Variants in BLM observed in about 807,000 individuals in gnomAD.
The protein encoded by BLM is recQ-like DNA helicase BLM.
BLM carries 95 observed loss-of-function variants against 135.3 expected under a neutral mutation model. The ratio of observed to expected loss-of-function variants is 0.70; its 90% CI spans 0.59 to 0.83. The LOEUF (loss-of-function observed/expected upper bound fraction) is 0.83. Among genes scored for constraint, BLM ranks in the 40% least tolerant of loss-of-function variants. BLM has a pLI of 0.00. For missense variants in BLM, 1,518 were observed against 1,663.9 expected (o/e 0.91, Z 1.53); for synonymous variants, 520 against 589.2 (o/e 0.88, Z 1.70).
In BLM at chr15:90,790,697, G is replaced by T. The variant is rs775006576; in HGVS notation, c.2872G>T (p.Val958Leu). The stretch of plus-strand genomic sequence containing the variant: ...TGGAATGGGGATTGACAAACCGGAC[G>T]TGCGATTTGTGATTCATGCATCTCT... ...AFGMGIDKPD[V>L]RFVIHASLPK... Residue 958 changes from valine to leucine, a missense_variant, in exon 15 of 22, where the codon GTG (valine) becomes TTG (leucine). By Grantham distance (32) the Val-to-Leu change is conservative. Coordinates refer to ENST00000355112, the MANE Select transcript of BLM (RefSeq NM_000057.4). 13 of 1,614,152 alleles carry T rather than the reference G, an allele frequency of 8.1e-6. No homozygotes were observed. The highest frequency in any genetic ancestry group is 2.2e-5 in the East Asian group (1 of 44,874).
chr15:90,815,005 C>G lies in BLM; in HGVS notation c.4077-97C>G. 1 of 1,276,548 alleles carries G rather than the reference C, an allele frequency of 7.8e-7. No homozygotes were observed. Among genetic ancestry groups the G allele is most frequent in the Non-Finnish European group, 1.1e-6 (1 of 893,252 alleles). 79.1% of individuals were successfully genotyped at this position (1,276,548 alleles called of 1,614,324 possible). A position where few individuals can be genotyped will look rare whatever the true frequency, so the allele number is the denominator to read the frequency against. On this transcript the variant is annotated intron_variant, in intron 21 of 21. Coordinates refer to ENST00000355112, the MANE Select transcript of BLM (RefSeq NM_000057.4). The surrounding 1 kb of genome is among the most constrained non-coding windows in gnomAD (Gnocchi z 4.6). The stretch of plus-strand genomic sequence containing the variant: ...AAAATGCACAAGGACACATTAGGCC[C>G]AGGGAAGTGGTATTGTAGCTCTGTG...
chr15:90,745,251 G>T (rs1895469585), intron 1 of BLM, among the ~76,000 whole-genome samples: 1 of 152,104 alleles, frequency 6.6e-6, no homozygotes, highest in Non-Finnish European at 1.5e-5. Flanking sequence ...AATCAATAAG[G>T]ATGATCACTG....
At chr15:90,772,471 A>G (rs1896348938) in intron 12 of BLM, among the ~76,000 whole-genome samples, 1 of 152,176 alleles carries the variant, frequency 6.6e-6, no homozygotes, top group Admixed American at 6.5e-5. Context: ...TGTCATTTTA[A>G]GTGTATTTAC....
intron 21 of BLM, among the ~76,000 whole-genome samples, chr15:90,812,434 GAT>G (rs28385165): frequency 0.19 from 29,043 of 152,108 alleles, 2,928 homozygotes; most frequent in African/African-American, 0.25. Flanking sequence ...AGCATGGTCT[GAT>G]ATGTGTGATG....
At chr15:90,780,876 T>C (rs1896600864) in intron 12 of BLM, among the ~76,000 whole-genome samples, 2 of 152,344 alleles carry the variant, frequency 1.3e-5, no homozygotes, top group African/African-American at 4.8e-5. Flanking sequence ...GTTTAAAGTG[T>C]GCAGGAGGAT....
At chr15:90,768,539 A>T (rs912141728) in intron 10 of BLM, among the ~76,000 whole-genome samples, 1 of 152,188 alleles carries the variant, frequency 6.6e-6, no homozygotes, top group Admixed American at 6.6e-5. Context: ...CCTGTTGCCA[A>T]TGTAAATGTA....
intron 1 of BLM, among the ~76,000 whole-genome samples, chr15:90,742,492 T>C (rs1158965480): frequency 6.6e-6 from 1 of 152,200 alleles, no homozygotes; most frequent in Non-Finnish European, 1.5e-5. Flanking sequence ...AGGTTTGACC[T>C]AGTCTTAATT....
In BLM at chr15:90,749,872, AAC is replaced by A. The variant is rs1170049553; in HGVS notation, c.608_609del (p.Thr203SerfsTer4). The part of the protein sequence containing the change: ...NFFKAQLYTT[N>X]TVKTDLPPPS... ...TTTTAAAGCACAGCTTTATACAACA[AAC>A]ACAGTAAAGACTGATTTGCCTCCAC... On this transcript the variant is annotated frameshift_variant, in exon 3 of 22. Transcript: ENST00000355112. LOFTEE classifies it high-confidence loss of function. 6.2e-7 allele frequency: 1 copy of A among 1,608,030 alleles called. No homozygotes were observed. The highest frequency in any genetic ancestry group is 8.5e-7 in the Non-Finnish European group (1 of 1,176,548).
chr15:90,726,489 A>G (rs954305650), intron 1 of BLM, among the ~76,000 whole-genome samples: 1 of 152,032 alleles, frequency 6.6e-6, no homozygotes, highest in Non-Finnish European at 1.5e-5. Flanking sequence ...GCTGATCTCA[A>G]ACTCCTGACC....
chr15:90,783,163 A>G (rs1896660895), intron 13 of BLM, among the ~76,000 whole-genome samples: 1 of 152,240 alleles, frequency 6.6e-6, no homozygotes, highest in Non-Finnish European at 1.5e-5. Flanking sequence ...CTACACACGT[A>G]TATTATAACT....
At chr15:90,761,277 T>G (rs1895981622) in intron 7 of BLM, 22 bp downstream of exon 7, 1 of 1,452,710 alleles carries the variant, frequency 6.9e-7, no homozygotes, top group Non-Finnish European at 9.2e-7. Context: ...ATAAATTGAA[T>G]GCTTATATGA....
In BLM at chr15:90,749,613, G is replaced by A. The variant is rs374578971; in HGVS notation, c.345G>A (p.Pro115=). 3.0e-5 allele frequency: 48 copies of A among 1,614,020 alleles called. No individual in the cohort carries two copies. The South Asian group carries it at 3.4e-4, about 11-fold the overall frequency. ...TATTGCCAGATTTCTTGCAGACTCCGAAGGAAGTTGTATGCACTACCCAAA... is the reference window on the plus strand; with the variant it reads ...TATTGCCAGATTTCTTGCAGACTCCAAAGGAAGTTGTATGCACTACCCAAA... ...KSLLPDFLQT[P]KEVVCTTQNT... is the part of the protein sequence containing the mutation. The change falls in exon 3 of 22, where the codon CCG becomes CCA. Residue 115 remains proline, a synonymous_variant. Coordinates refer to ENST00000355112, the MANE Select transcript of BLM (RefSeq NM_000057.4).
At chr15:90,760,544 C>T in intron 6 of BLM, 50 bp from the exon 7 acceptor site, 1 of 1,533,874 alleles carries the variant, frequency 6.5e-7, no homozygotes. Context: ...TTGTGGCCTA[C>T]CAGAGTAAAC....
At chr15:90,787,951 A>G (rs75936999) in intron 14 of BLM, among the ~76,000 whole-genome samples, 1 of 50,928 alleles carries the variant, frequency 2.0e-5, no homozygotes, top group African/African-American at 2.6e-4. Flanking sequence ...CTCTATGTCA[A>G]AAAAAAAAAA....
intron 10 of BLM, among the ~76,000 whole-genome samples, chr15:90,767,526 G>A (rs1005638010): frequency 3.3e-5 from 5 of 152,040 alleles, no homozygotes; most frequent in Non-Finnish European, 5.9e-5. Flanking sequence ...AGTCGTTTTC[G>A]GAATTGTCCC....
intron 1 of BLM, among the ~76,000 whole-genome samples, chr15:90,733,394 A>G (rs1319599912): frequency 6.6e-6 from 1 of 152,230 alleles, no homozygotes; most frequent in Non-Finnish European, 1.5e-5. Flanking sequence ...TAACTGTCTC[A>G]CTGAAAAATA....
rs1060500649 is a variant in BLM, at chr15:90,815,113, C to T, written c.4088C>T (p.Thr1363Ile). The T allele has an allele frequency of 1.9e-6, 3 of 1,613,944 alleles. No homozygotes were observed. The highest frequency in any genetic ancestry group is 2.5e-6 in the Non-Finnish European group (3 of 1,180,036). ...SGSKAKGGSA[T>I]CRKISSKTKS... is the part of the protein sequence containing the mutation. ...TTGTCACATTTCAGGGGGTCTGCCA[C>T]ATGTAGAAAGATATCTTCCAAAACG... The change falls in exon 22 of 22, where the codon ACA (threonine) becomes ATA (isoleucine). Residue 1363 changes from threonine (T) to isoleucine (I), a missense_variant. Physicochemically the swap from Thr to Ile is moderately conservative, Grantham distance 89. This residue lies in a region of BLM where 153 missense variants were observed against 173.4 expected (regional missense o/e 0.88). Transcript: ENST00000355112. The surrounding 1 kb of genome is among the most constrained non-coding windows in gnomAD (Gnocchi z 4.6).
chr15:90,770,721 G>T (rs1896290635), intron 12 of BLM, among the ~76,000 whole-genome samples: 1 of 152,188 alleles, frequency 6.6e-6, no homozygotes, highest in African/African-American at 2.4e-5. Context: ...AATTTTTAAA[G>T]CACGGCTTTT....
intron 5 of BLM, among the ~76,000 whole-genome samples, chr15:90,759,194 A>G (rs749456714): frequency 6.6e-6 from 1 of 152,216 alleles, no homozygotes; most frequent in Non-Finnish European, 1.5e-5. Flanking sequence ...TCACAGGAAG[A>G]TAATAGGACA....
Sources: allele counts gnomAD v4.1 joint callset (sites outside exome capture counted in the v4.1 genomes callset), GRCh38; gene constraint gnomAD v4.1.1; regional missense constraint gnomAD v4.1.1; non-coding constraint Gnocchi (gnomAD v3.1); transcripts MANE v1.5; gene names NCBI Gene and HGNC (gene_info 2026-07-23, HGNC 2026-07-21).